Variants in GPC5 observed in about 807,000 individuals in gnomAD.
GPC5 encodes the protein glypican-5.
GPC5 carries 47 observed loss-of-function variants against 53.9 expected under a neutral mutation model. That is an observed-to-expected ratio of 0.87 (90% CI 0.69 to 1.11). GPC5 has a LOEUF of 1.11. Ranked by LOEUF, GPC5 falls within the 50% of genes most tolerant of loss-of-function variation. GPC5 has a pLI of 0.00. For synonymous variants in GPC5, 286 were observed against 263.3 expected, an observed-to-expected ratio of 1.09 and a Z score of -0.84; for missense variants, 748 against 713.1, an observed-to-expected ratio of 1.05 and a Z score of -0.56.
At chr13:91,650,078 T>C (rs72643217) in intron 2 of GPC5, among the ~76,000 whole-genome samples, 8,381 of 152,268 alleles carry the variant, frequency 0.055, 275 homozygotes, top group Middle Eastern at 0.13. Context: ...GGACATACTC[T>C]GAACTGGACT....
At chr13:92,368,634 TAAAAAAAAA>T (rs34793615) in intron 7 of GPC5, among the ~76,000 whole-genome samples, 2 of 66,326 alleles carry the variant, frequency 3.0e-5, no homozygotes, top group Admixed American at 2.3e-4. Flanking sequence ...AAGACTGTCT[TAAAAAAAAA>T]AAAAAAAAAA....
At chr13:92,281,968 A>G (rs553434043) in intron 7 of GPC5, among the ~76,000 whole-genome samples, 2,985 of 152,270 alleles carry the variant, frequency 0.02, 93 homozygotes, top group African/African-American at 0.068. Context: ...GAGGAAGTTC[A>G]ATCCCAACAC....
intron 5 of GPC5, among the ~76,000 whole-genome samples, chr13:91,772,449 T>C (rs1048509312): frequency 6.6e-6 from 1 of 152,158 alleles, no homozygotes; most frequent in East Asian, 1.9e-4. Flanking sequence ...TGTCAGTACA[T>C]AATCATACAT....
chr13:92,286,064 A>C (rs2042952035), intron 7 of GPC5, among the ~76,000 whole-genome samples: 1 of 152,068 alleles, frequency 6.6e-6, no homozygotes, highest in Non-Finnish European at 1.5e-5. Context: ...CAACCCCAAC[A>C]AGTGGGCGAA....
chr13:92,050,172 T>C (rs1203585600), intron 6 of GPC5, among the ~76,000 whole-genome samples: 1 of 152,216 alleles, frequency 6.6e-6, no homozygotes, highest in Non-Finnish European at 1.5e-5. Context: ...TCTTAGCACA[T>C]GGTACATCAT....
At chr13:91,944,647 A>G (rs995632200) in intron 6 of GPC5, among the ~76,000 whole-genome samples, 3 of 152,190 alleles carry the variant, frequency 2.0e-5, no homozygotes, top group African/African-American at 7.2e-5. Flanking sequence ...CCTTAAATCT[A>G]TATAAATCTA....
chr13:91,927,750 T>C (rs1290877639), intron 6 of GPC5, among the ~76,000 whole-genome samples: 1 of 152,202 alleles, frequency 6.6e-6, no homozygotes, highest in Non-Finnish European at 1.5e-5. Context: ...GTGAACAGGC[T>C]ATTAAAACTA....
At chr13:91,489,985 C>T (rs889871364) in intron 2 of GPC5, among the ~76,000 whole-genome samples, 1 of 152,160 alleles carries the variant, frequency 6.6e-6, no homozygotes, top group Non-Finnish European at 1.5e-5. Context: ...GGGAGTGAGT[C>T]ACCTAGGTTG....
chr13:91,673,819 G>T (rs2035306142), intron 2 of GPC5, among the ~76,000 whole-genome samples: 1 of 152,022 alleles, frequency 6.6e-6, no homozygotes, highest in Admixed American at 6.6e-5. Context: ...AAAAACGAAA[G>T]GTCTATGTAT....
intron 2 of GPC5, among the ~76,000 whole-genome samples, chr13:91,521,608 G>A (rs1885819109): frequency 6.6e-6 from 1 of 152,080 alleles, no homozygotes; most frequent in African/African-American, 2.4e-5. Context: ...CAAACTCAAA[G>A]TGTTTTATTT....
chr13:92,409,125 GA>G (rs1364329252), intron 7 of GPC5, among the ~76,000 whole-genome samples: 1 of 151,486 alleles, frequency 6.6e-6, no homozygotes, highest in Non-Finnish European at 1.5e-5. Context: ...ATTAAGTCAA[GA>G]GCTAAAATTA....
intron 7 of GPC5, among the ~76,000 whole-genome samples, chr13:92,632,501 CACACACACATATACAT>C (rs1885280333): frequency 8.2e-6 from 1 of 122,314 alleles, no homozygotes; most frequent in Non-Finnish European, 1.8e-5. Context: ...TATATATATG[CACACACACATATACAT>C]ACACACACAC....
intron 2 of GPC5, among the ~76,000 whole-genome samples, chr13:91,566,710 T>C (rs1566510457): frequency 6.6e-6 from 1 of 152,166 alleles, no homozygotes; most frequent in Non-Finnish European, 1.5e-5. Context: ...AGCAGACTAA[T>C]ATTTGAGGTG....
At chr13:91,759,208 T>A (rs974216492) in intron 5 of GPC5, among the ~76,000 whole-genome samples, 2 of 152,162 alleles carry the variant, frequency 1.3e-5, no homozygotes, top group East Asian at 1.9e-4. Flanking sequence ...ATTTTAGTCA[T>A]GACTCAGTCA....
chr13:92,683,018 C>T (rs1172722734), intron 7 of GPC5, among the ~76,000 whole-genome samples: 1 of 152,022 alleles, frequency 6.6e-6, no homozygotes, highest in African/African-American at 2.4e-5. Context: ...AGAGTTATGA[C>T]CCTGAGGTGT....
At chr13:92,835,873 A>G (rs1362570860) in intron 7 of GPC5, among the ~76,000 whole-genome samples, 1 of 151,990 alleles carries the variant, frequency 6.6e-6, no homozygotes, top group African/African-American at 2.4e-5. Context: ...TGTGTATGTT[A>G]CTGTAAATCT....
chr13:92,368,647 A>AC (rs1463116995), intron 7 of GPC5, among the ~76,000 whole-genome samples: 2 of 151,292 alleles, frequency 1.3e-5, no homozygotes, highest in African/African-American at 2.4e-5. Context: ...AAAAAAAAAA[A>AC]AAAAAAAAAA....
At chr13:92,076,912 TTTG>T (rs1466108422) in intron 6 of GPC5, among the ~76,000 whole-genome samples, 4 of 152,120 alleles carry the variant, frequency 2.6e-5, no homozygotes, top group African/African-American at 9.7e-5. Flanking sequence ...ATAGGAAATA[TTTG>T]TTATCTATTA....
intron 6 of GPC5, among the ~76,000 whole-genome samples, chr13:91,993,865 A>G (rs1258184255): frequency 1.1e-4 from 17 of 152,220 alleles, no homozygotes. Context: ...GAAAATGATC[A>G]GGATGTCTGT....
Sources: allele counts gnomAD v4.1 joint callset (sites outside exome capture counted in the v4.1 genomes callset), GRCh38; gene constraint gnomAD v4.1.1; transcripts MANE v1.5; gene names NCBI Gene and HGNC (gene_info 2026-07-23, HGNC 2026-07-21).